CREG1: variants seen among roughly 807,000 people sequenced by gnomAD.
CREG1 encodes the protein cellular repressor of E1A stimulated genes 1.
In CREG1, 20 loss-of-function variants were observed where a neutral mutation model predicts 19.9. The observed-to-expected ratio is 1.01, with a 90% CI of 0.71 to 1.46. The LOEUF is 1.46. Among genes scored for constraint, CREG1 ranks in the 40% most tolerant of loss-of-function variants. The pLI is 0.00. For missense variants in CREG1, 290 were observed against 314.9 expected, an observed-to-expected ratio of 0.92 and a Z score of 0.60; for synonymous variants, 141 against 143.3, an observed-to-expected ratio of 0.98 and a Z score of 0.12.
intron 1 of CREG1, among the ~76,000 whole-genome samples, chr1:167,548,368 T>C (rs1447633832): frequency 6.6e-6 from 1 of 152,252 alleles, no homozygotes; most frequent in Non-Finnish European, 1.5e-5. Flanking sequence ...CAATATTCTT[T>C]TTCTGAAACC....
intron 3 of CREG1, among the ~76,000 whole-genome samples, chr1:167,544,254 G>C (rs1300319114): frequency 6.6e-6 from 1 of 152,026 alleles, no homozygotes; most frequent in Non-Finnish European, 1.5e-5. Context: ...CAAGTAATGA[G>C]CCAGACAATC....
Position 167,542,205 on chromosome 1 carries a change from G to T in CREG1, c.*93C>A. 8.5e-7 allele frequency: 1 copy of T among 1,172,118 alleles called. No individual in the cohort carries two copies. The highest frequency in any genetic ancestry group is 1.2e-6 in the Non-Finnish European group (1 of 844,756). 72.6% of individuals were successfully genotyped at this position (1,172,118 alleles called of 1,614,324 possible). On this transcript the variant is annotated 3_prime_UTR_variant, in exon 4 of 4. Coordinates refer to ENST00000370509, the MANE Select transcript of CREG1 (RefSeq NM_003851.3). ...GTGACAGAAAACTGGCTAATATTCTGGGACGCTTTCCAGAGAAACATTAAG... is the reference window on the plus strand; with the variant it reads ...GTGACAGAAAACTGGCTAATATTCTTGGACGCTTTCCAGAGAAACATTAAG...
intron 1 of CREG1, among the ~76,000 whole-genome samples, chr1:167,552,064 G>C (rs957279742): frequency 2.6e-5 from 4 of 152,188 alleles, no homozygotes; most frequent in African/African-American, 7.2e-5. Flanking sequence ...CTTTGTGTAG[G>C]CCAAACCGGT....
Position 167,548,198 on chromosome 1 carries a change from A to G in CREG1, c.355-77T>C, listed in dbSNP as rs984003250. ...GTAATAAATTTCAAAAGTTGCATAC[A>G]TGATGTCCCTAGAGCTTGACTGGTC... On this transcript the variant is annotated intron_variant, in intron 1 of 3. Coordinates refer to ENST00000370509, the MANE Select transcript of CREG1 (RefSeq NM_003851.3). 1.8e-5 allele frequency: 22 copies of G among 1,193,200 alleles called. No individual in the cohort carries two copies. The Admixed American group carries it at 2.6e-4, about 14-fold the overall frequency. The allele number at this position is 1,193,200 out of a possible 1,614,324, so 73.9% of individuals were successfully genotyped here.
At chr1:167,553,163 C>G (rs772076915) in intron 1 of CREG1, among the ~76,000 whole-genome samples, 1 of 152,142 alleles carries the variant, frequency 6.6e-6, no homozygotes, top group African/African-American at 2.4e-5. Context: ...AGAGAATTTA[C>G]CCCAGGTGCG....
At chr1:167,543,508 G>A (rs762355675) in intron 3 of CREG1, among the ~76,000 whole-genome samples, 1 of 152,230 alleles carries the variant, frequency 6.6e-6, no homozygotes, top group African/African-American at 2.4e-5. Context: ...GCCAAGCAAG[G>A]TGGCTGCCAA....
In CREG1 at chr1:167,542,239, G is replaced by A. The variant is rs1656239491; in HGVS notation, c.*59C>T. ...TCCAGAGAAACATTAAGCCTTTTAA[G>A]TGTGTATGAGCCACTTTAAGAAACT... On this transcript the variant is annotated 3_prime_UTR_variant, in exon 4 of 4. Transcript: ENST00000370509. 2 of 1,503,064 alleles carry A rather than the reference G, an allele frequency of 1.3e-6. No individual in the cohort carries two copies. Among genetic ancestry groups the A allele is most frequent in the Non-Finnish European group, 1.8e-6 (2 of 1,111,618 alleles). The allele number at this position is 1,503,064 out of a possible 1,614,324, so 93.1% of individuals were successfully genotyped here. A position where few individuals can be genotyped will look rare whatever the true frequency, so the allele number is the denominator to read the frequency against.
At chr1:167,548,230 G>A (rs987880466) in intron 1 of CREG1, 109 bp from the exon 2 acceptor site, 16 of 740,298 alleles carry the variant, frequency 2.2e-5, no homozygotes, top group South Asian at 4.9e-5. Flanking sequence ...GGTCTTCCAC[G>A]AAACAATGAA....
intron 3 of CREG1, among the ~76,000 whole-genome samples, chr1:167,545,543 A>G (rs1656302307): frequency 6.6e-6 from 1 of 152,108 alleles, no homozygotes; most frequent in Admixed American, 6.6e-5. Flanking sequence ...AAGCACAGAA[A>G]AGGCCAGGCA....
chr1:167,546,878 C>G (rs1283514940), intron 2 of CREG1, among the ~76,000 whole-genome samples: 1 of 152,218 alleles, frequency 6.6e-6, no homozygotes, highest in Non-Finnish European at 1.5e-5. Flanking sequence ...ATAACTAGCA[C>G]TAAGTACTGT....
rs969186449 is a variant in CREG1 at position 167,553,536 on chromosome 1, C to T, written c.206G>A (p.Gly69Asp). ...ARFVTHVSDWGALATISTLEA... is the reference protein window; with the variant it reads ...ARFVTHVSDWDALATISTLEA... ...CAGCGTGGAGATGGTGGCCAGAGCGCCCCAGTCGGAGACGTGCGTCACGAA... is the reference window on the plus strand; with the variant it reads ...CAGCGTGGAGATGGTGGCCAGAGCGTCCCAGTCGGAGACGTGCGTCACGAA... Residue 69 changes from glycine (G) to aspartate (D), a missense_variant, in exon 1 of 4, where the codon GGC (glycine) becomes GAC (aspartate). Transcript: ENST00000370509. The T allele has an allele frequency of 6.8e-7, 1 of 1,480,326 alleles. No homozygotes were observed. The highest frequency in any genetic ancestry group is 1.5e-5 in the African/African-American group (1 of 68,580). The allele number at this position is 1,480,326 out of a possible 1,614,324, so 91.7% of individuals were successfully genotyped here. A position where few individuals can be genotyped will look rare whatever the true frequency, so the allele number is the denominator to read the frequency against.
At chr1:167,542,395 T>G (rs563833022) in intron 3 of CREG1, 94 bp from the exon 4 acceptor site, 6 of 1,218,002 alleles carry the variant, frequency 4.9e-6, no homozygotes, top group Middle Eastern at 2.8e-4. Flanking sequence ...ATAAAATTTC[T>G]GATCTAAATT....
At chr1:167,552,006 T>A (rs924355294) in intron 1 of CREG1, among the ~76,000 whole-genome samples, 3 of 152,232 alleles carry the variant, frequency 2.0e-5, no homozygotes, top group African/African-American at 4.8e-5. Context: ...AAAATCTAAA[T>A]TTTAAAATGT....
At chr1:167,546,070 A>G in intron 3 of CREG1, 31 bp downstream of exon 3, 1 of 1,548,772 alleles carries the variant, frequency 6.5e-7, no homozygotes, top group Non-Finnish European at 8.7e-7. Context: ...TAAGGGCGGC[A>G]ATCTTAGGTG....
chr1:167,542,033 C>G lies in CREG1; in HGVS notation c.*265G>C, dbSNP rs915982411. 1.4e-5 allele frequency: 5 copies of G among 355,702 alleles called. No homozygotes were observed. The Admixed American group carries it at 1.9e-4, about 14-fold the overall frequency. The allele number at this position is 355,702 out of a possible 1,614,324, so 22.0% of individuals were successfully genotyped here. A position where few individuals can be genotyped will look rare whatever the true frequency, so the allele number is the denominator to read the frequency against. ...CATCTTTGGAATTGATGGGACAAAA[C>G]TTATTTGATTATAGTGAAGGATATT... On this transcript the variant is annotated 3_prime_UTR_variant, in exon 4 of 4. Transcript: ENST00000370509.
rs936532492 is a variant in CREG1 at position 167,553,575 on chromosome 1, G to A, written c.167C>T (p.Ala56Val). 6.9e-7 allele frequency: 1 copy of A among 1,441,944 alleles called. No homozygotes were observed. Among genetic ancestry groups the A allele is most frequent in the Non-Finnish European group, 9.1e-7 (1 of 1,102,624 alleles). The allele number at this position is 1,441,944 out of a possible 1,614,324, so 89.3% of individuals were successfully genotyped here. Residue 56 changes from alanine to valine, a missense_variant, in exon 1 of 4, where the codon GCG becomes GTG. Transcript: ENST00000370509. The stretch of plus-strand genomic sequence containing the variant: ...GTGCGTCACGAAGCGGGCCACGCGC[G>A]CCGCGTCCTCGCGGGGTGGTAGCGG... ...LPPLPPREDAARVARFVTHVS... is the reference protein window; with the variant it reads ...LPPLPPREDAVRVARFVTHVS...
At chr1:167,544,317 T>TA (rs369148961) in intron 3 of CREG1, among the ~76,000 whole-genome samples, 9 of 151,168 alleles carry the variant, frequency 6.0e-5, no homozygotes, top group African/African-American at 1.5e-4. Context: ...TGCTTGGAAT[T>TA]AAAAAAAATT....
intron 3 of CREG1, among the ~76,000 whole-genome samples, chr1:167,544,964 A>G (rs899052290): frequency 1.3e-5 from 2 of 152,144 alleles, no homozygotes; most frequent in African/African-American, 2.4e-5. Flanking sequence ...TTGAACCCTT[A>G]GCTAACTCCA....
Position 167,542,220 on chromosome 1 carries a change from G to A in CREG1, c.*78C>T. Reference sequence around the variant, plus strand: ...CTAATATTCTGGGACGCTTTCCAGAGAAACATTAAGCCTTTTAAGTGTGTA... The same window carrying A: ...CTAATATTCTGGGACGCTTTCCAGAAAAACATTAAGCCTTTTAAGTGTGTA... On this transcript the variant is annotated 3_prime_UTR_variant, in exon 4 of 4. Coordinates refer to ENST00000370509, the MANE Select transcript of CREG1 (RefSeq NM_003851.3). The A allele has an allele frequency of 7.6e-7, 1 of 1,317,406 alleles. No homozygotes were observed. The highest frequency in any genetic ancestry group is 1.0e-6 in the Non-Finnish European group (1 of 970,248). The allele number at this position is 1,317,406 out of a possible 1,614,324, so 81.6% of individuals were successfully genotyped here.
Sources: allele counts gnomAD v4.1 joint callset (sites outside exome capture counted in the v4.1 genomes callset), GRCh38; gene constraint gnomAD v4.1.1; transcripts MANE v1.5; gene names NCBI Gene and HGNC (gene_info 2026-07-23, HGNC 2026-07-21).